The following SVEP1 variants were observed in gnomAD, a reference collection of about 807,000 sequenced individuals.
SVEP1 encodes the protein sushi, von Willebrand factor type A, EGF and pentraxin domain containing 1.
A neutral mutation model predicts 367.3 loss-of-function variants in SVEP1; 164 were observed. That is an observed-to-expected ratio of 0.45 (90% CI 0.39 to 0.51). The LOEUF (loss-of-function observed/expected upper bound fraction) is 0.51, where lower values mean the gene tolerates loss of function less well. Ranked by LOEUF, SVEP1 falls within the 20% of genes least tolerant of loss-of-function variation. The pLI, the probability that SVEP1 is intolerant of heterozygous loss-of-function variation, is 0.00. For missense variants in SVEP1, 4,117 were observed against 4,425.3 expected (o/e 0.93, Z 1.98); for synonymous variants, 1,666 against 1,611.6 (o/e 1.03, Z -0.81).
At chr9:110,528,152 GTGTGTATATATATATA>G (rs1178621130) in intron 3 of SVEP1, among the ~76,000 whole-genome samples, 1 of 22,082 alleles carries the variant, frequency 4.5e-5, no homozygotes. Context: ...GTGTGTGTGT[GTGTGTATATATATATA>G]TATATATATA....
intron 3 of SVEP1, among the ~76,000 whole-genome samples, chr9:110,515,467 A>AT (rs1453395463): frequency 6.6e-6 from 1 of 151,694 alleles, no homozygotes; most frequent in Non-Finnish European, 1.5e-5. Context: ...CGCCTGGCTA[A>AT]TTTTTTGTAT....
At chr9:110,464,041 T>C (rs1347127603) in intron 18 of SVEP1, among the ~76,000 whole-genome samples, 1 of 152,080 alleles carries the variant, frequency 6.6e-6, no homozygotes, top group African/African-American at 2.4e-5. Context: ...TAAAAAAAAA[T>C]TGTCAAATGT....
chr9:110,483,837 A>T (rs780291306), intron 9 of SVEP1, 144 bp from the exon 10 acceptor site: 1 of 478,308 alleles, frequency 2.1e-6, no homozygotes, highest in Non-Finnish European at 3.6e-6. Context: ...GGCTCCTGTG[A>T]TATCTTTTCC....
At chr9:110,400,563 C>T (rs1827842462) in intron 40 of SVEP1, among the ~76,000 whole-genome samples, 1 of 152,132 alleles carries the variant, frequency 6.6e-6, no homozygotes, top group East Asian at 1.9e-4. Flanking sequence ...GACGGGGTTT[C>T]ACCATGTTGG....
chr9:110,573,278 A>G (rs1661542645), intron 1 of SVEP1, among the ~76,000 whole-genome samples: 1 of 152,196 alleles, frequency 6.6e-6, no homozygotes, highest in African/African-American at 2.4e-5. Context: ...CAGCCTTTGT[A>G]TGAACAAATC....
intron 8 of SVEP1, among the ~76,000 whole-genome samples, chr9:110,495,422 A>T (rs1829430859): frequency 6.6e-6 from 1 of 152,180 alleles, no homozygotes; most frequent in South Asian, 2.1e-4. Context: ...GGAGGGTCAG[A>T]GTGAAAAGAA....
At chr9:110,472,137 C>CA in intron 15 of SVEP1, 22 bp downstream of exon 15, 2 of 1,589,496 alleles carry the variant, frequency 1.3e-6, no homozygotes, top group Non-Finnish European at 8.5e-7. Flanking sequence ...ATTGCTTTTT[C>CA]AAATAGACAG....
intron 36 of SVEP1, among the ~76,000 whole-genome samples, chr9:110,417,268 G>A (rs563233155): frequency 7.1e-5 from 10 of 140,434 alleles, no homozygotes; most frequent in Admixed American, 2.1e-4. Context: ...CGCACCGTGC[G>A]CGAGCCGAAG....
chr9:110,493,214 G>A (rs1449748683), intron 8 of SVEP1, among the ~76,000 whole-genome samples: 1 of 152,090 alleles, frequency 6.6e-6, no homozygotes, highest in African/African-American at 2.4e-5. Context: ...AAGGGGTTGG[G>A]GAGGGGGTGG....
At chr9:110,548,483 C>G (rs1830246146) in intron 2 of SVEP1, among the ~76,000 whole-genome samples, 1 of 152,058 alleles carries the variant, frequency 6.6e-6, no homozygotes, top group Admixed American at 6.6e-5. Context: ...GAAGTAGGTA[C>G]TATTCTCATT....
chr9:110,436,253 G>A, intron 28 of SVEP1, 127 bp downstream of exon 28: 1 of 1,215,728 alleles, frequency 8.2e-7, no homozygotes, highest in Non-Finnish European at 1.1e-6. Context: ...AGCATCAAAT[G>A]ATACTGGTGA....
chr9:110,392,222 T>C (rs1307624830), intron 40 of SVEP1, among the ~76,000 whole-genome samples: 1 of 151,084 alleles, frequency 6.6e-6, no homozygotes, highest in Non-Finnish European at 1.5e-5. Context: ...GTCTCTTATA[T>C]CTCTCTAAAC....
chr9:110,493,783 T>C (rs752271926), intron 8 of SVEP1, among the ~76,000 whole-genome samples: 8 of 152,036 alleles, frequency 5.3e-5, no homozygotes, highest in Non-Finnish European at 8.8e-5. Flanking sequence ...CAAGAATGTA[T>C]TATCCTGTGG....
At chr9:110,375,524 A>T in intron 45 of SVEP1, 61 bp from the exon 46 acceptor site, 1 of 1,419,254 alleles carries the variant, frequency 7.0e-7, no homozygotes, top group Non-Finnish European at 9.5e-7. Flanking sequence ...CGTTGATCAA[A>T]GTACACATCT....
intron 39 of SVEP1, among the ~76,000 whole-genome samples, chr9:110,401,651 G>A (rs886332209): frequency 1.3e-5 from 2 of 150,986 alleles, no homozygotes; most frequent in Admixed American, 6.6e-5. Flanking sequence ...TCCAGATATA[G>A]CAAAAGAAAA....
In SVEP1 at chr9:110,469,082, G is replaced by A; in HGVS notation, c.3018C>T (p.Thr1006=). 1 of 1,612,500 alleles carries A rather than the reference G, an allele frequency of 6.2e-7. No individual in the cohort carries two copies. The highest frequency in any genetic ancestry group is 8.5e-7 in the Non-Finnish European group (1 of 1,179,150). The change falls in exon 17 of 48, where the codon ACC becomes ACT. Residue 1006 remains threonine (T), a synonymous_variant. Coordinates refer to ENST00000374469, the MANE Select transcript of SVEP1 (RefSeq NM_153366.4). The part of the protein sequence containing the change: ...GRMCVNCPLG[T]YYNLEHFTCE... Reference sequence around the variant, plus strand: ...AGGTGAAATGTTCCAGATTATAATAGGTTCCCAAAGGGCAATTGACTACAG... The same window carrying A: ...AGGTGAAATGTTCCAGATTATAATAAGTTCCCAAAGGGCAATTGACTACAG...
chr9:110,537,018 C>T (rs181422015), intron 3 of SVEP1, among the ~76,000 whole-genome samples: 59 of 151,934 alleles, frequency 3.9e-4, no homozygotes, highest in Middle Eastern at 6.8e-3. Flanking sequence ...TCCTTTTGTA[C>T]GTCAAAATGT....
rs767742791 is a variant in SVEP1, at chr9:110,407,428, T to G, written c.8172A>C (p.Glu2724Asp). ...TCTCTGTAAAACGCAAAAAGCCATT[T>G]TCAGGAGCAGTAGGCAAGTCACATT... ...SIECDLPTAP[E>D]NGFLRFTETS... Residue 2724 changes from glutamate to aspartate, a missense_variant, in exon 38 of 48, where the codon GAA (glutamate) becomes GAC (aspartate). Coordinates refer to ENST00000374469, the MANE Select transcript of SVEP1 (RefSeq NM_153366.4). The G allele has an allele frequency of 6.2e-7, 1 of 1,614,044 alleles. No individual in the cohort carries two copies. Among genetic ancestry groups the G allele is most frequent in the Admixed American group, 1.7e-5 (1 of 60,022 alleles).
At chr9:110,478,608 T>A (rs1006691162) in intron 13 of SVEP1, among the ~76,000 whole-genome samples, 1 of 152,210 alleles carries the variant, frequency 6.6e-6, no homozygotes, top group African/African-American at 2.4e-5. Flanking sequence ...AGGTCTATAG[T>A]AACAGAGGCC....
Sources: gnomAD v4.1 joint callset for allele counts (sites outside exome capture counted in the v4.1 genomes callset) on GRCh38, gnomAD v4.1.1 for gene constraint, MANE v1.5 for transcripts, NCBI Gene and HGNC (gene_info 2026-07-23, HGNC 2026-07-21) for gene names.